The following NDE1 variants were observed in gnomAD, a reference collection of about 807,000 sequenced individuals.
The protein encoded by NDE1 is nuclear distribution protein nudE homolog 1.
NDE1 carries 28 observed loss-of-function variants against 43.4 expected under a neutral mutation model. The observed-to-expected ratio is 0.65, with a 90% CI of 0.48 to 0.89. The LOEUF is 0.89. NDE1 is among the 40% of genes least tolerant of loss of function. The probability of loss-of-function intolerance (pLI) is 0.00; values close to 1 mark genes in which losing one functional copy is unlikely to be tolerated. For missense variants in NDE1, 441 were observed against 434.1 expected (o/e 1.02, Z -0.14); for synonymous variants, 184 against 172.0 (o/e 1.07, Z -0.55).
intron 8 of NDE1, among the ~76,000 whole-genome samples, chr16:15,723,003 C>G (rs1322853968): frequency 1.3e-5 from 2 of 152,136 alleles, no homozygotes; most frequent in Non-Finnish European, 1.5e-5. Flanking sequence ...CTCAGCCTCC[C>G]AAAGTGCTAG....
intron 2 of NDE1, among the ~76,000 whole-genome samples, chr16:15,666,598 G>A: frequency 6.6e-6 from 1 of 152,136 alleles, no homozygotes. Context: ...GACAGAGCAA[G>A]ACTCTATCTC....
At chr16:15,645,006 AC>A (rs1460384736) in intron 1 of NDE1, among the ~76,000 whole-genome samples, 1 of 141,410 alleles carries the variant, frequency 7.1e-6, no homozygotes, top group African/African-American at 2.7e-5. Context: ...TGCAGCCTCC[AC>A]CTCCCGGGTT....
intron 8 of NDE1, chr16:15,708,776 AC>A: frequency 6.3e-7 from 1 of 1,598,908 alleles, no homozygotes; most frequent in Non-Finnish European, 8.5e-7. Flanking sequence ...GAGACAACAC[AC>A]AGCTGCGAAG....
chr16:15,711,832 A>G (rs893491479), intron 8 of NDE1, among the ~76,000 whole-genome samples: 21 of 152,144 alleles, frequency 1.4e-4, no homozygotes, highest in African/African-American at 5.1e-4. Context: ...AGCTGGGATT[A>G]CAGGCACGCC....
In NDE1 at chr16:15,725,162, CA is replaced by C. The variant is rs886051749; in HGVS notation, c.*919del. 9.4e-6 allele frequency: 6 copies of C among 636,348 alleles called. No individual in the cohort carries two copies. The highest frequency in any genetic ancestry group is 3.7e-5 in the South Asian group (2 of 54,740). The allele number at this position is 636,348 out of a possible 1,614,324, so 39.4% of individuals were successfully genotyped here. A position where few individuals can be genotyped will look rare whatever the true frequency, so the allele number is the denominator to read the frequency against. ...AAAAAAAAAAAAACACACACACACACAAAAAAAACAGAATCTGTGGCTTGAA... is the reference window on the plus strand; with the variant it reads ...AAAAAAAAAAAAACACACACACACACAAAAAAACAGAATCTGTGGCTTGAA... On this transcript the variant is annotated 3_prime_UTR_variant, in exon 9 of 9. Coordinates refer to ENST00000396354, the MANE Select transcript of NDE1 (RefSeq NM_017668.3).
chr16:15,688,588 A>T (rs983861078), intron 5 of NDE1, among the ~76,000 whole-genome samples: 1 of 136,870 alleles, frequency 7.3e-6, no homozygotes, highest in African/African-American at 2.8e-5. Context: ...AGCCAAAATT[A>T]CACCATTGCA....
Position 15,668,520 on chromosome 16 carries a change from C to A in NDE1, c.237+1081C>A, listed in dbSNP as rs563138885. ...ACGCGAGCAGTCCTCCTGCCTTGGC[C>A]TCCCAAATTGCTGGGATTATAGGCA... On this transcript the variant is annotated intron_variant, in intron 3 of 8. Coordinates refer to ENST00000396354, the MANE Select transcript of NDE1 (RefSeq NM_017668.3). Among the ~76,000 whole-genome samples, 3 of 152,276 alleles carry A rather than the reference C, an allele frequency of 2.0e-5. No individual in the cohort carries two copies. The South Asian group carries it at 6.2e-4, about 32-fold the overall frequency.
At chr16:15,696,574 TG>T (rs1156659529) in intron 7 of NDE1, 134 bp from the exon 8 acceptor site, 1 of 1,526,750 alleles carries the variant, frequency 6.5e-7, no homozygotes, top group Non-Finnish European at 8.8e-7. Flanking sequence ...GGATTCCTCT[TG>T]GGGTCCCACC....
At chr16:15,721,778 ATATAATCAT>A (rs2040498332) in intron 8 of NDE1, 8 of 793,942 alleles carry the variant, frequency 1.0e-5, no homozygotes, top group Non-Finnish European at 1.7e-5. Flanking sequence ...GGAGTAATTT[ATATAATCAT>A]CTGGCGTTCT....
chr16:15,715,962 C>A (rs1461193356), intron 8 of NDE1, among the ~76,000 whole-genome samples: 1 of 152,006 alleles, frequency 6.6e-6, no homozygotes, highest in African/African-American at 2.4e-5. Context: ...CCCATCCCTA[C>A]TAAAAAATAC....
At position 15,681,253 on chromosome 16, in the gene NDE1, CTTTTTT is replaced by C. The variant is rs71134448; in HGVS notation, c.386+3329_386+3334del. ...TTGTGCCAGCACTGTTAAACACTGC[CTTTTTT>C]TTTTTTTTTTTTTTTTTTTTTTTTG... On this transcript the variant is annotated intron_variant, in intron 4 of 8. Coordinates refer to ENST00000396354, the MANE Select transcript of NDE1 (RefSeq NM_017668.3). 1.3e-4 allele frequency among the ~76,000 whole-genome samples: 4 copies of C among 31,430 alleles called. No homozygotes were observed. In the South Asian group the frequency reaches 5.1e-3, roughly 40 times the overall value. The allele number at this position is 31,430 out of a possible 152,430, so 20.6% of individuals were successfully genotyped here.
At chr16:15,645,747 A>C (rs2036318923), upstream of NDE1, among the ~76,000 whole-genome samples, 1 of 152,234 alleles carries the variant, frequency 6.6e-6, no homozygotes, top group African/African-American at 2.4e-5. Flanking sequence ...CCCTTGTCCA[A>C]ATTATAGTCT....
intron 6 of NDE1, among the ~76,000 whole-genome samples, chr16:15,692,843 C>A (rs949677020): frequency 2.0e-5 from 3 of 150,404 alleles, no homozygotes; most frequent in African/African-American, 7.4e-5. Flanking sequence ...CTCCAGTGAT[C>A]CTCCTGCCTC....
chr16:15,680,511 C>T (rs1311057742), intron 4 of NDE1, among the ~76,000 whole-genome samples: 2 of 152,104 alleles, frequency 1.3e-5, no homozygotes, highest in African/African-American at 4.8e-5. Context: ...AAATTCCTTT[C>T]TTGTCAATCT....
intron 4 of NDE1, among the ~76,000 whole-genome samples, chr16:15,685,577 G>A (rs988595849): frequency 7.9e-5 from 12 of 152,048 alleles, no homozygotes; most frequent in African/African-American, 2.9e-4. Flanking sequence ...CGGTACTGTG[G>A]TAACTTTATC....
rs1405262303 is a variant in NDE1, at chr16:15,714,333, A to G, written c.948-9858A>G. On this transcript the variant is annotated intron_variant, in intron 8 of 8. Coordinates refer to ENST00000396354, the MANE Select transcript of NDE1 (RefSeq NM_017668.3). ...CTAGAGGACTTCTGGCAACATCTAG[A>G]GACATTTTTGGTTGTCACATTGCAG... 7 of 164,184 alleles carry G rather than the reference A, an allele frequency of 4.3e-5. No homozygotes were observed. In the East Asian group the frequency reaches 1.2e-3, roughly 28 times the overall value. The allele number at this position is 164,184 out of a possible 1,614,324, so 10.2% of individuals were successfully genotyped here. A position where few individuals can be genotyped will look rare whatever the true frequency, so the allele number is the denominator to read the frequency against.
chr16:15,705,984 CAAAAAAA>C (rs57451847), intron 8 of NDE1, among the ~76,000 whole-genome samples: 5 of 56,764 alleles, frequency 8.8e-5, no homozygotes, highest in African/African-American at 3.4e-4. Context: ...GACTCCGTCT[CAAAAAAA>C]AAAAAAAAAA....
chr16:15,685,294 A>AC (rs2038383020), intron 4 of NDE1, among the ~76,000 whole-genome samples: 1 of 152,020 alleles, frequency 6.6e-6, no homozygotes, highest in African/African-American at 2.4e-5. Context: ...TGGCATTGTT[A>AC]CCCAGGCTGG....
At chr16:15,658,378 A>G (rs1392856467) in intron 1 of NDE1, among the ~76,000 whole-genome samples, 1 of 152,204 alleles carries the variant, frequency 6.6e-6, no homozygotes, top group Admixed American at 6.5e-5. Flanking sequence ...CATGGGGGTT[A>G]GGCTCACCCT....
Sources: allele counts gnomAD v4.1 joint callset (sites outside exome capture counted in the v4.1 genomes callset), GRCh38; gene constraint gnomAD v4.1.1; transcripts MANE v1.5; gene names NCBI Gene and HGNC (gene_info 2026-07-23, HGNC 2026-07-21).